AP1S1: variants seen among roughly 807,000 people sequenced by gnomAD.
AP1S1 encodes AP-1 complex subunit sigma-1A.
Under a neutral mutation model 23.9 loss-of-function variants are expected in AP1S1, and 13 were observed. The observed-to-expected ratio is 0.54, with a 90% CI of 0.35 to 0.86. The LOEUF (loss-of-function observed/expected upper bound fraction) is 0.86, where lower values mean the gene tolerates loss of function less well. Among genes scored for constraint, AP1S1 ranks in the 40% least tolerant of loss-of-function variants. AP1S1 has a pLI of 0.01. For synonymous variants in AP1S1, 84 were observed against 77.7 expected (o/e 1.08, Z -0.43); for missense variants, 119 against 197.6 (o/e 0.60, Z 2.38).
At position 101,160,623 on chromosome 7, in the gene AP1S1, C is replaced by T. The variant is rs1797083220; in HGVS notation, c.*57C>T. 7.6e-6 allele frequency: 12 copies of T among 1,583,120 alleles called. No individual in the cohort carries two copies. Among genetic ancestry groups the T allele is most frequent in the Non-Finnish European group, 1.0e-5 (12 of 1,161,742 alleles). Reference sequence around the variant, plus strand: ...CCTGGCAGCGTGGCGGGAACGGCTGCTTCTCCTCTGCCCAGGGCCCTGTTC... The same window carrying T: ...CCTGGCAGCGTGGCGGGAACGGCTGTTTCTCCTCTGCCCAGGGCCCTGTTC... On this transcript the variant is annotated 3_prime_UTR_variant, in exon 5 of 5. Transcript: ENST00000337619.
chr7:101,157,354 G>A lies in AP1S1; in HGVS notation c.183-23G>A, dbSNP rs2074686. 865,219 of 1,530,778 alleles carry A rather than the reference G, an allele frequency of 0.57. 249,253 individuals carry two copies. Among genetic ancestry groups the A allele is most frequent in the Admixed American group, 0.6 (30,711 of 51,212 alleles). 94.8% of individuals were successfully genotyped at this position (1,530,778 alleles called of 1,614,324 possible). On this transcript the variant is annotated intron_variant, in intron 2 of 4. Coordinates refer to ENST00000337619, the MANE Select transcript of AP1S1 (RefSeq NM_001283.5). The stretch of plus-strand genomic sequence containing the variant: ...GGTCCTGAAGCAAGCTTGTAGCGAT[G>A]TCTCATGCGCTCCTCTCCGCAGATA...
intron 4 of AP1S1, among the ~76,000 whole-genome samples, chr7:101,160,068 C>T (rs1797070149): frequency 6.6e-6 from 1 of 152,052 alleles, no homozygotes; most frequent in Non-Finnish European, 1.5e-5. Flanking sequence ...AATGACGCAT[C>T]TCCCTGCAGC....
chr7:101,158,579 G>T (rs1797031442), intron 3 of AP1S1, among the ~76,000 whole-genome samples: 1 of 152,118 alleles, frequency 6.6e-6, no homozygotes, highest in East Asian at 1.9e-4. Flanking sequence ...TCATGATCAG[G>T]AGGAAAGATG....
intron 4 of AP1S1, among the ~76,000 whole-genome samples, chr7:101,159,975 C>CAA (rs1797063958): frequency 7.8e-6 from 1 of 128,970 alleles, no homozygotes; most frequent in African/African-American, 3.2e-5. Flanking sequence ...CACACACACA[C>CAA]ACCCTGGCGC....
intron 2 of AP1S1, 47 bp downstream of exon 2, chr7:101,156,819 G>A: frequency 6.9e-7 from 1 of 1,449,052 alleles, no homozygotes; most frequent in Non-Finnish European, 9.2e-7. Flanking sequence ...AAGTTGGGCA[G>A]TGGGTTAAAA....
intron 3 of AP1S1, 131 bp from the exon 4 acceptor site, chr7:101,158,928 A>G (rs1797039285): frequency 4.0e-6 from 5 of 1,251,984 alleles, no homozygotes; most frequent in Non-Finnish European, 5.4e-6. Context: ...AAACAAAAAA[A>G]CTGAAAAAGC....
rs531659502 is a variant in AP1S1 at position 101,154,588 on chromosome 7, G to A, written c.3+71G>A. 147 of 1,535,818 alleles carry A rather than the reference G, an allele frequency of 9.6e-5. No individual in the cohort carries two copies. The South Asian group carries it at 1.4e-3, about 15-fold the overall frequency. On this transcript the variant is annotated intron_variant, in intron 1 of 4. Transcript: ENST00000337619. ...GCTGCACCTGCGGGGGTCCTCGGGG[G>A]CCGCCCTCGGGGTGAACCGCCCTGT...
At chr7:101,154,549 A>C in intron 1 of AP1S1, 32 bp downstream of exon 1, 1 of 1,438,804 alleles carries the variant, frequency 7.0e-7, no homozygotes, top group Non-Finnish European at 9.5e-7. Context: ...GGGAGGGGGA[A>C]GCGAGGGGCG....
In AP1S1 at chr7:101,160,660, C is replaced by CCTGTTCTTGGTG; in HGVS notation, c.*94_*95insCTGTTCTTGGTG. ...CCAGGGCCCTGTTCTTGGTGGGACT[C>CCTGTTCTTGGTG]GGCTGCCCCTCCTCTGCTGCCTCAC... On this transcript the variant is annotated 3_prime_UTR_variant, in exon 5 of 5. Coordinates refer to ENST00000337619, the MANE Select transcript of AP1S1 (RefSeq NM_001283.5). The CCTGTTCTTGGTG allele has an allele frequency of 6.9e-7, 1 of 1,441,522 alleles. No individual in the cohort carries two copies. The highest frequency in any genetic ancestry group is 1.2e-5 in the South Asian group (1 of 86,390). 89.3% of individuals were successfully genotyped at this position (1,441,522 alleles called of 1,614,324 possible).
rs747343573 is a variant in AP1S1, at chr7:101,159,061, G to T, written c.294G>T (p.Val98=). ...TTAGCCTCTCCCCGCCCTCCCAGGT[G>T]TGCGAGCTGGACATCATCTTCAACT... ...VELLDKYFGS[V]CELDIIFNFE... Residue 98 remains valine, a splice_region_variant and synonymous_variant, in exon 4 of 5, where the codon GTG becomes GTT. Transcript: ENST00000337619. 1.1e-5 allele frequency: 17 copies of T among 1,612,682 alleles called. No homozygotes were observed. Among genetic ancestry groups the T allele is most frequent in the Non-Finnish European group, 1.3e-5 (15 of 1,179,380 alleles).
intron 2 of AP1S1, 75 bp downstream of exon 2, chr7:101,156,847 T>TGGCTCACG: frequency 7.4e-7 from 1 of 1,350,766 alleles, no homozygotes; most frequent in Non-Finnish European, 9.7e-7. Flanking sequence ...GAAATGGTCG[T>TGGCTCACG]CCTGTAGGTC....
At chr7:101,159,034 A>G (rs767420905) in intron 3 of AP1S1, 25 bp from the exon 4 acceptor site, 3 of 1,611,120 alleles carry the variant, frequency 1.9e-6, no homozygotes, top group East Asian at 4.5e-5. Context: ...TCCATGCTCA[A>G]CTTAGCCTCT....
chr7:101,154,732 A>C, intron 1 of AP1S1: 7 of 84,146 alleles, frequency 8.3e-5, no homozygotes, highest in Non-Finnish European at 1.0e-4. Flanking sequence ...TTGCAGGGCG[A>C]GCGGGGGCTG....
At position 101,156,612 on chromosome 7, in the gene AP1S1, T is replaced by G; in HGVS notation, c.22T>G (p.Phe8Val). The G allele has an allele frequency of 6.2e-7, 1 of 1,612,424 alleles. No individual in the cohort carries two copies. The highest frequency in any genetic ancestry group is 1.3e-5 in the African/African-American group (1 of 75,014). Reference protein sequence around the residue: MMRFMLLFSRQGKLRLQK... With the variant: MMRFMLLVSRQGKLRLQK... ...CCCACAGATGCGGTTCATGCTATTA[T>G]TCAGCCGGCAGGGAAAACTGCGGCT... Residue 8 changes from phenylalanine to valine, a missense_variant, in exon 2 of 5, where the codon TTC (phenylalanine) becomes GTC (valine). By Grantham distance (50) the Phe-to-Val change is conservative. Coordinates refer to ENST00000337619, the MANE Select transcript of AP1S1 (RefSeq NM_001283.5).
At chr7:101,159,226 G>A in intron 4 of AP1S1, 30 bp downstream of exon 4, 2 of 1,591,220 alleles carry the variant, frequency 1.3e-6, no homozygotes, top group Non-Finnish European at 1.7e-6. Flanking sequence ...AGGAGGAGGA[G>A]GAAGCGCACA....
At chr7:101,159,907 A>G (rs1417197045) in intron 4 of AP1S1, among the ~76,000 whole-genome samples, 1 of 151,364 alleles carries the variant, frequency 6.6e-6, no homozygotes, top group Non-Finnish European at 1.5e-5. Flanking sequence ...TTGCAGTGGG[A>G]GAGAGGGCAG....
intron 4 of AP1S1, 140 bp from the exon 5 acceptor site, chr7:101,160,379 C>T (rs1416782173): frequency 9.6e-6 from 10 of 1,042,314 alleles, no homozygotes; most frequent in Non-Finnish European, 1.4e-5. Flanking sequence ...CTGGTCCGGC[C>T]TTGGGCTCAC....
Position 101,155,496 on chromosome 7 carries a change from A to C in AP1S1, c.3+979A>C, listed in dbSNP as rs1562863155. ...GGGTGGCGGGGCCCTAACTGAGGGA[A>C]ATTGGTCACCTGGTGTCTGGGGAGG... On this transcript the variant is annotated intron_variant, in intron 1 of 4. Transcript: ENST00000337619. Among the ~76,000 whole-genome samples, 4 of 152,126 alleles carry C rather than the reference A, an allele frequency of 2.6e-5. 1 individual carries two copies. In the South Asian group the frequency reaches 8.3e-4, roughly 31 times the overall value.
At chr7:101,154,586 G>C (rs1369644742) in intron 1 of AP1S1, 69 bp downstream of exon 1, 1 of 1,538,144 alleles carries the variant, frequency 6.5e-7, no homozygotes, top group Non-Finnish European at 8.8e-7. Context: ...GGGTCCTCGG[G>C]GGCCGCCCTC....
Sources: gnomAD v4.1 joint callset for allele counts (sites outside exome capture counted in the v4.1 genomes callset) on GRCh38, gnomAD v4.1.1 for gene constraint, MANE v1.5 for transcripts, NCBI Gene and HGNC (gene_info 2026-07-23, HGNC 2026-07-21) for gene names.